Variants in BPIFC observed in about 807,000 individuals in gnomAD.
The protein encoded by BPIFC is BPI fold containing family C, also known as BPI fold-containing family C protein.
Under a neutral mutation model 57.6 loss-of-function variants are expected in BPIFC, and 60 were observed. The ratio of observed to expected loss-of-function variants is 1.04; its 90% CI spans 0.85 to 1.29. BPIFC has a LOEUF of 1.29. BPIFC is among the 50% of genes most tolerant of loss of function. BPIFC has a pLI of 0.00. For synonymous variants in BPIFC, 243 were observed against 224.5 expected (o/e 1.08, Z -0.74); for missense variants, 581 against 600.5 (o/e 0.97, Z 0.34).
chr22:32,438,447 A>T (rs533217103), intron 8 of BPIFC, among the ~76,000 whole-genome samples: 1 of 152,252 alleles, frequency 6.6e-6, no homozygotes, highest in South Asian at 2.1e-4. Flanking sequence ...ACTGGAGTGC[A>T]GTGGTACAAT....
chr22:32,436,350 G>A (rs1470322076), intron 9 of BPIFC, among the ~76,000 whole-genome samples: 1 of 83,852 alleles, frequency 1.2e-5, no homozygotes, highest in Non-Finnish European at 2.4e-5. Flanking sequence ...AGAGGAAGAG[G>A]AGGAGGAGGA....
chr22:32,445,514 G>T, intron 7 of BPIFC, 121 bp downstream of exon 7: 1 of 1,075,674 alleles, frequency 9.3e-7, no homozygotes, highest in Non-Finnish European at 1.4e-6. Flanking sequence ...TCCAGCCTGG[G>T]CGACAGAGCG....
chr22:32,443,264 T>G (rs1237568374), intron 7 of BPIFC, among the ~76,000 whole-genome samples: 1 of 151,382 alleles, frequency 6.6e-6, no homozygotes, highest in Non-Finnish European at 1.5e-5. Context: ...CCCTGGTTCA[T>G]GCCATTCTCC....
At chr22:32,428,859 C>G (rs1374644724) in intron 13 of BPIFC, among the ~76,000 whole-genome samples, 2 of 151,928 alleles carry the variant, frequency 1.3e-5, no homozygotes, top group African/African-American at 4.8e-5. Context: ...AGATCGCACC[C>G]CTGCACTCCA....
chr22:32,444,733 C>T (rs1934666403), intron 7 of BPIFC, among the ~76,000 whole-genome samples: 1 of 152,170 alleles, frequency 6.6e-6, no homozygotes, highest in Non-Finnish European at 1.5e-5. Context: ...TCATTCCTTA[C>T]ATATACAAAT....
chr22:32,419,803 C>CAAAAAAAAAAAA (rs34812283), intron 13 of BPIFC, among the ~76,000 whole-genome samples: 1 of 102,370 alleles, frequency 9.8e-6, no homozygotes. Flanking sequence ...GAGACCCTGT[C>CAAAAAAAAAAAA]AAAAAAAAAA....
intron 13 of BPIFC, among the ~76,000 whole-genome samples, chr22:32,427,477 C>A (rs1047388048): frequency 3.9e-5 from 6 of 152,164 alleles, no homozygotes; most frequent in Admixed American, 2.0e-4. Flanking sequence ...AGTTAGCAGC[C>A]CTGCCCCTGT....
intron 16 of BPIFC, 121 bp downstream of exon 16, chr22:32,415,794 C>A (rs573694864): frequency 3.2e-6 from 2 of 620,432 alleles, no homozygotes; most frequent in South Asian, 4.9e-5. Flanking sequence ...ATTCCCTGGT[C>A]TGGGAAAAAG....
chr22:32,456,444 C>T (rs112440726), intron 3 of BPIFC, among the ~76,000 whole-genome samples: 21,844 of 145,798 alleles, frequency 0.15, 1,915 homozygotes, highest in South Asian at 0.21. Flanking sequence ...TCTTTCTTCC[C>T]TCCCTCCCTC....
At chr22:32,450,896 T>C (rs1472570133) in intron 4 of BPIFC, among the ~76,000 whole-genome samples, 1 of 152,226 alleles carries the variant, frequency 6.6e-6, no homozygotes, top group Non-Finnish European at 1.5e-5. Flanking sequence ...CAACCTGTAT[T>C]TAGATTTGAT....
intron 3 of BPIFC, among the ~76,000 whole-genome samples, chr22:32,454,057 G>A (rs935487035): frequency 6.6e-6 from 1 of 152,172 alleles, no homozygotes; most frequent in African/African-American, 2.4e-5. Context: ...GCTGCAGTAA[G>A]CCATGATTGC....
chr22:32,450,696 C>A (rs1934872998), intron 4 of BPIFC, among the ~76,000 whole-genome samples: 2 of 151,764 alleles, frequency 1.3e-5, no homozygotes, highest in African/African-American at 4.8e-5. Flanking sequence ...AGATACTGAC[C>A]TATATATGTT....
chr22:32,424,643 T>C (rs529854464), intron 13 of BPIFC, among the ~76,000 whole-genome samples: 99 of 6,872 alleles, frequency 0.014, 4 homozygotes, highest in Non-Finnish European at 0.017. Flanking sequence ...CTTCTTCTTC[T>C]CTTCTTCTTC....
chr22:32,444,970 C>A (rs1182773400), intron 7 of BPIFC, among the ~76,000 whole-genome samples: 1 of 152,172 alleles, frequency 6.6e-6, no homozygotes, highest in African/African-American at 2.4e-5. Context: ...GTCCTATTCC[C>A]AACAGATCCT....
chr22:32,429,363 C>A (rs777760033), intron 13 of BPIFC, among the ~76,000 whole-genome samples: 2 of 151,738 alleles, frequency 1.3e-5, no homozygotes, highest in African/African-American at 4.8e-5. Flanking sequence ...CCCGCCACCA[C>A]GCCCAGCTAA....
At chr22:32,437,936 T>C in intron 8 of BPIFC, 85 bp from the exon 9 acceptor site, 1 of 714,422 alleles carries the variant, frequency 1.4e-6, no homozygotes, top group South Asian at 2.2e-5. Context: ...TAGAACAATA[T>C]AATTTTAAAT....
intron 7 of BPIFC, among the ~76,000 whole-genome samples, chr22:32,445,114 A>G (rs1228635730): frequency 2.0e-5 from 3 of 152,222 alleles, no homozygotes; most frequent in Non-Finnish European, 4.4e-5. Context: ...ACCTACCACA[A>G]TATTTGGCAC....
intron 15 of BPIFC, 64 bp from the exon 16 acceptor site, chr22:32,416,055 A>T: frequency 1.1e-6 from 1 of 943,446 alleles, no homozygotes. Context: ...CAAGCTTTTT[A>T]GTAAGAGACT....
intron 16 of BPIFC, among the ~76,000 whole-genome samples, chr22:32,414,675 G>C (rs372605583): frequency 1.3e-5 from 2 of 151,904 alleles, no homozygotes; most frequent in African/African-American, 4.8e-5. Context: ...CACCACACCC[G>C]GCTAATTTTT....
Sources: gnomAD v4.1 joint callset for allele counts (sites outside exome capture counted in the v4.1 genomes callset) on GRCh38, gnomAD v4.1.1 for gene constraint, MANE v1.5 for transcripts, NCBI Gene and HGNC (gene_info 2026-07-23, HGNC 2026-07-21) for gene names.